Variants in DPH6 observed in about 807,000 individuals in gnomAD.
DPH6 encodes diphthine--ammonia ligase.
Under a neutral mutation model 38.2 loss-of-function variants are expected in DPH6, and 33 were observed. That is an observed-to-expected ratio of 0.86 (90% CI 0.65 to 1.15). DPH6 has a LOEUF of 1.15. Among genes scored for constraint, DPH6 ranks in the 50% most tolerant of loss-of-function variants. DPH6 has a pLI of 0.00. For missense variants in DPH6, 325 were observed against 320.0 expected, an observed-to-expected ratio of 1.02 and a Z score of -0.12; for synonymous variants, 108 against 103.0, an observed-to-expected ratio of 1.05 and a Z score of -0.30.
intron 1 of DPH6, 28 bp downstream of exon 1, chr15:35,546,091 G>A (rs1188827843): frequency 1.8e-5 from 25 of 1,380,940 alleles, no homozygotes; most frequent in Admixed American, 1.1e-4. Flanking sequence ...GGCCTAGGAG[G>A]AAGGAGGCGG....
intron 3 of DPH6, among the ~76,000 whole-genome samples, chr15:35,339,670 A>G (rs1057467805): frequency 2.0e-5 from 3 of 152,110 alleles, no homozygotes; most frequent in African/African-American, 7.2e-5. Context: ...AGGTTGTACA[A>G]TATCCATGTA....
intron 4 of DPH6, among the ~76,000 whole-genome samples, chr15:35,452,424 G>A (rs56153453): frequency 1.4e-4 from 21 of 152,198 alleles, no homozygotes; most frequent in African/African-American, 5.1e-4. Flanking sequence ...AGGTTTATAA[G>A]TAAAACCCAG....
chr15:35,484,803 A>G (rs1357791570), intron 3 of DPH6, among the ~76,000 whole-genome samples: 2 of 152,234 alleles, frequency 1.3e-5, no homozygotes, highest in Admixed American at 6.5e-5. Context: ...CTTAGAAGCC[A>G]CCTATCACAA....
intron 5 of DPH6, among the ~76,000 whole-genome samples, chr15:35,420,374 A>G (rs1450192317): frequency 1.3e-5 from 2 of 152,164 alleles, no homozygotes; most frequent in Admixed American, 6.5e-5. Flanking sequence ...ACAACCTAAC[A>G]TTATAGCTCA....
intron 3 of DPH6, among the ~76,000 whole-genome samples, chr15:35,325,588 G>A (rs981042142): frequency 2.0e-5 from 3 of 152,148 alleles, no homozygotes; most frequent in African/African-American, 7.2e-5. Context: ...GTGGAGGAGG[G>A]AGGATAGTGT....
chr15:35,362,088 AG>A (rs766050979), intron 3 of DPH6, among the ~76,000 whole-genome samples: 7 of 152,164 alleles, frequency 4.6e-5, no homozygotes, highest in Non-Finnish European at 7.3e-5. Context: ...ACACAGGGGA[AG>A]ACCTTCACCA....
At chr15:35,194,369 C>CAGAGACGAGAGAGAG in the DPH6 span, among the ~76,000 whole-genome samples, 1 of 144,756 alleles carries the variant, frequency 6.9e-6, no homozygotes, top group East Asian at 2.0e-4. Flanking sequence ...TTCCTTTTTC[C>CAGAGACGAGAGAGAG]AGAGAGAGAG....
At chr15:35,297,249 T>G (rs1487519171) in intron 3 of DPH6, among the ~76,000 whole-genome samples, 1 of 152,184 alleles carries the variant, frequency 6.6e-6, no homozygotes, top group East Asian at 1.9e-4. Context: ...TCCTCAACTT[T>G]CTGTCAACTG....
intron 3 of DPH6, among the ~76,000 whole-genome samples, chr15:35,335,150 T>A (rs1472662816): frequency 6.6e-6 from 1 of 152,200 alleles, no homozygotes; most frequent in African/African-American, 2.4e-5. Flanking sequence ...TCTCTAATGA[T>A]CAATGATGTT....
chr15:35,255,961 TATAA>T (rs905807971), intron 3 of DPH6, among the ~76,000 whole-genome samples: 8 of 152,028 alleles, frequency 5.3e-5, no homozygotes, highest in Admixed American at 2.0e-4. Flanking sequence ...AAAATTGACT[TATAA>T]ATAAATATAC....
chr15:35,374,736 C>T (rs1268971732), intron 7 of DPH6, among the ~76,000 whole-genome samples: 2 of 152,042 alleles, frequency 1.3e-5, no homozygotes, highest in East Asian at 3.9e-4. Context: ...ATTCAAGATT[C>T]AGCATCCTGA....
chr15:35,264,718 A>ACATT (rs982263079), intron 3 of DPH6, among the ~76,000 whole-genome samples: 94 of 152,340 alleles, frequency 6.2e-4, no homozygotes, highest in East Asian at 2.7e-3. Flanking sequence ...GTTCATTTGT[A>ACATT]CATTCATTCA....
At chr15:35,397,868 T>TATACACACACACACAC (rs752473433) in intron 6 of DPH6, among the ~76,000 whole-genome samples, 8 of 87,308 alleles carry the variant, frequency 9.2e-5, no homozygotes, top group African/African-American at 2.3e-4. Flanking sequence ...TTTATATATA[T>TATACACACACACACAC]ACACACACAC....
chr15:35,404,595 T>G (rs1055854377), intron 6 of DPH6, among the ~76,000 whole-genome samples: 1 of 152,190 alleles, frequency 6.6e-6, no homozygotes, highest in Non-Finnish European at 1.5e-5. Context: ...CCTATAGAGT[T>G]GTATAAGCTC....
chr15:35,298,661 G>T, intron 3 of DPH6: 1 of 1,334,038 alleles, frequency 7.5e-7, no homozygotes, highest in Non-Finnish European at 1.1e-6. Context: ...CACCGAAAAG[G>T]CGGTGCTCAG....
At chr15:35,419,630 A>G (rs2053479819) in intron 5 of DPH6, among the ~76,000 whole-genome samples, 1 of 152,196 alleles carries the variant, frequency 6.6e-6, no homozygotes, top group African/African-American at 2.4e-5. Flanking sequence ...AATAGAAACA[A>G]AAAGAGCAAA....
intron 3 of DPH6, among the ~76,000 whole-genome samples, chr15:35,280,887 C>A (rs2051894261): frequency 6.6e-6 from 1 of 152,078 alleles, no homozygotes; most frequent in Non-Finnish European, 1.5e-5. Flanking sequence ...GTTGGACAGA[C>A]AATTGACTTA....
intron 3 of DPH6, among the ~76,000 whole-genome samples, chr15:35,230,767 T>C (rs541183185): frequency 6.6e-6 from 1 of 152,164 alleles, no homozygotes; most frequent in East Asian, 1.9e-4. Flanking sequence ...AAGCAGCAGA[T>C]TTCCTTATGT....
rs935336883 is a variant in DPH6 at position 35,503,813 on chromosome 15, A to G, written c.312+34461T>C. ...GGCTATTTTAATCTCCATTTTATAG[A>G]AGAGGAAACAAAGGCACAGAGAGGT... On this transcript the variant is annotated intron_variant, in intron 3 of 8. Transcript: ENST00000256538. Among the ~76,000 whole-genome samples, 4 of 152,236 alleles carry G rather than the reference A, an allele frequency of 2.6e-5. No homozygotes were observed. The South Asian group carries it at 6.2e-4, about 24-fold the overall frequency.
Sources: allele counts gnomAD v4.1 joint callset (sites outside exome capture counted in the v4.1 genomes callset), GRCh38; gene constraint gnomAD v4.1.1; transcripts MANE v1.5; gene names NCBI Gene and HGNC (gene_info 2026-07-23, HGNC 2026-07-21).